GRID1: variants seen among roughly 807,000 people sequenced by gnomAD.
The protein encoded by GRID1 is glutamate receptor ionotropic, delta-1.
GRID1 carries 28 observed loss-of-function variants against 98.0 expected under a neutral mutation model. That is an observed-to-expected ratio of 0.29 (90% confidence interval 0.21 to 0.39). The LOEUF is 0.39. Among genes scored for constraint, GRID1 ranks in the 10% least tolerant of loss-of-function variants. The pLI is 1.00. For synonymous variants in GRID1, 553 were observed against 538.5 expected, an observed-to-expected ratio of 1.03 and a Z score of -0.37; for missense variants, 1,111 against 1,340.5, an observed-to-expected ratio of 0.83 and a Z score of 2.67.
At chr10:86,151,539 G>A (rs535947372) in intron 3 of GRID1, among the ~76,000 whole-genome samples, 1 of 152,216 alleles carries the variant, frequency 6.6e-6, no homozygotes, top group Non-Finnish European at 1.5e-5. Flanking sequence ...AATGGCAAGA[G>A]GAAAACATGA....
chr10:85,884,013 C>T (rs1193577658), intron 5 of GRID1, among the ~76,000 whole-genome samples: 1 of 152,144 alleles, frequency 6.6e-6, no homozygotes, highest in African/African-American at 2.4e-5. Context: ...CGTCCTATTC[C>T]TTGCACAATC....
intron 15 of GRID1, among the ~76,000 whole-genome samples, chr10:85,611,094 C>T (rs1358025081): frequency 6.6e-6 from 1 of 152,182 alleles, no homozygotes; most frequent in Non-Finnish European, 1.5e-5. Flanking sequence ...AGGAGCTGTT[C>T]CTCACAGCTA....
intron 12 of GRID1, among the ~76,000 whole-genome samples, chr10:85,698,078 C>T (rs547903167): frequency 4.9e-4 from 75 of 152,068 alleles, no homozygotes; most frequent in African/African-American, 1.7e-3. Context: ...AATAAAAAAA[C>T]GAATAATACC....
chr10:85,599,802 A>AAAAAAAAAAAAAAAAAATATATATAT lies in GRID1; in HGVS notation c.*2470_*2471insATATATATATTTTTTTTTTTTTTTTT. ...GTAGAAAATTCTAAAAAAAAAAAAA[A>AAAAAAAAAAAAAAAAAATATATATAT]ATATATATATATATATATAAACATG... On this transcript the variant is annotated 3_prime_UTR_variant, in exon 16 of 16. Transcript: ENST00000327946. The AAAAAAAAAAAAAAAAAATATATATAT allele has an allele frequency of 1.5e-5, 1 of 64,984 alleles. No homozygotes were observed. Among genetic ancestry groups the AAAAAAAAAAAAAAAAAATATATATAT allele is most frequent in the African/African-American group, 9.3e-5 (1 of 10,732 alleles). 4.0% of individuals were successfully genotyped at this position (64,984 alleles called of 1,614,324 possible). A position where few individuals can be genotyped will look rare whatever the true frequency, so the allele number is the denominator to read the frequency against.
rs201983652 is a variant in GRID1, at chr10:85,746,107, G to A, written c.1234-16493C>T. Reference sequence around the variant, plus strand: ...TTACCTTCATATATTGATTGCAAGGGAGTTATATCATTTGTCTCTTTGGAT... The same window carrying A: ...TTACCTTCATATATTGATTGCAAGGAAGTTATATCATTTGTCTCTTTGGAT... On this transcript the variant is annotated intron_variant, in intron 8 of 15. Coordinates refer to ENST00000327946, the MANE Select transcript of GRID1 (RefSeq NM_017551.3). Among the ~76,000 whole-genome samples, 6 of 152,264 alleles carry A rather than the reference G, an allele frequency of 3.9e-5. No individual in the cohort carries two copies. In the East Asian group the frequency reaches 7.7e-4, roughly 20 times the overall value.
chr10:85,876,416 C>T (rs1274728397), intron 5 of GRID1, among the ~76,000 whole-genome samples: 1 of 152,090 alleles, frequency 6.6e-6, no homozygotes, highest in African/African-American at 2.4e-5. Flanking sequence ...CTTTGTGTTC[C>T]TCTTATAAAG....
rs577086810 is a variant in GRID1 at position 85,881,112 on chromosome 10, T to G, written c.781-11932A>C. Reference sequence around the variant, plus strand: ...AGGAGAACTACAAACCACTGCTCAATGAAATAAAAGAGGATACAAAGAAAT... The same window carrying G: ...AGGAGAACTACAAACCACTGCTCAAGGAAATAAAAGAGGATACAAAGAAAT... On this transcript the variant is annotated intron_variant, in intron 5 of 15. Coordinates refer to ENST00000327946, the MANE Select transcript of GRID1 (RefSeq NM_017551.3). Among the ~76,000 whole-genome samples, 847 of 152,004 alleles carry G rather than the reference T, an allele frequency of 5.6e-3. 13 individuals are homozygous for G. Among genetic ancestry groups the G allele is most frequent in the African/African-American group, 0.019 (798 of 41,456 alleles).
At chr10:85,923,997 G>A (rs78551241) in intron 4 of GRID1, among the ~76,000 whole-genome samples, 4,681 of 152,206 alleles carry the variant, frequency 0.031, 95 homozygotes, top group Middle Eastern at 0.082. Context: ...GTAGCCTCTA[G>A]TCCCTCACTA....
intron 4 of GRID1, among the ~76,000 whole-genome samples, chr10:85,944,713 CT>C (rs1336440837): frequency 1.3e-5 from 2 of 151,910 alleles, no homozygotes; most frequent in East Asian, 3.9e-4. Flanking sequence ...TAGGAAAATG[CT>C]TAGTAAAATG....
intron 4 of GRID1, among the ~76,000 whole-genome samples, chr10:85,978,992 A>G (rs1481938864): frequency 6.6e-6 from 1 of 152,010 alleles, no homozygotes; most frequent in Non-Finnish European, 1.5e-5. Flanking sequence ...CTGACTCTGC[A>G]TGACTTGTTT....
Position 86,365,361 on chromosome 10 carries a change from A to C in GRID1, c.79+953T>G, listed in dbSNP as rs1185747529. ...AAGACGACTGCGGAGGGACTCCCCC[A>C]AAGCGACCGCTGTCAGCCCCCCAAC... On this transcript the variant is annotated intron_variant, in intron 1 of 15. Coordinates refer to ENST00000327946, the MANE Select transcript of GRID1 (RefSeq NM_017551.3). The surrounding 1 kb of genome is among the most constrained non-coding windows in gnomAD (Gnocchi z 4.8). Among the ~76,000 whole-genome samples the C allele has an allele frequency of 2.3e-5, 3 of 131,544 alleles. No homozygotes were observed. Among genetic ancestry groups the C allele is most frequent in the Non-Finnish European group, 4.7e-5 (3 of 63,468 alleles). The allele number at this position is 131,544 out of a possible 152,430, so 86.3% of individuals were successfully genotyped here. A position where few individuals can be genotyped will look rare whatever the true frequency, so the allele number is the denominator to read the frequency against.
At chr10:85,685,814 G>A (rs981229383) in intron 12 of GRID1, among the ~76,000 whole-genome samples, 2 of 152,014 alleles carry the variant, frequency 1.3e-5, no homozygotes, top group Non-Finnish European at 2.9e-5. Context: ...TAGCAATATA[G>A]TGTATAGAAA....
In GRID1 at chr10:85,772,985, C is replaced by T. The variant is rs572087433; in HGVS notation, c.1234-43371G>A. On this transcript the variant is annotated intron_variant, in intron 8 of 15. Coordinates refer to ENST00000327946, the MANE Select transcript of GRID1 (RefSeq NM_017551.3). ...CTAACTCATTTTATGAGGCCAGCAT[C>T]ATCCTGATACCAAAGCCGGGCAGAG... Among the ~76,000 whole-genome samples the T allele has an allele frequency of 1.6e-4, 24 of 152,296 alleles. 1 individual carries two copies. Among genetic ancestry groups the T allele is most frequent in the Admixed American group, 3.3e-4 (5 of 15,300 alleles).
intron 8 of GRID1, among the ~76,000 whole-genome samples, chr10:85,804,576 C>T (rs993026393): frequency 6.6e-6 from 1 of 151,670 alleles, no homozygotes; most frequent in African/African-American, 2.4e-5. Flanking sequence ...TAGATTAATA[C>T]CCTTCATCAT....
intron 12 of GRID1, among the ~76,000 whole-genome samples, chr10:85,675,263 A>C (rs1177444262): frequency 6.6e-6 from 1 of 152,206 alleles, no homozygotes; most frequent in Non-Finnish European, 1.5e-5. Context: ...GAGGCACATT[A>C]GGGCTAGCAA....
At chr10:86,361,811 A>C (rs1392756281) in intron 2 of GRID1, among the ~76,000 whole-genome samples, 2 of 152,244 alleles carry the variant, frequency 1.3e-5, no homozygotes, top group Non-Finnish European at 2.9e-5. Flanking sequence ...CAATGGCAAA[A>C]TCTGTTAAAG....
chr10:85,699,041 GTTTTGTTTTGTT>G lies in GRID1; in HGVS notation c.1997+23950_1997+23961del, dbSNP rs1475809245. The stretch of plus-strand genomic sequence containing the variant: ...TTTTGTTTGTTTGTTTTGGGGTTTT[GTTTTGTTTTGTT>G]TTTTGTTTTGTTTTTTTGAGATAGA... On this transcript the variant is annotated intron_variant, in intron 12 of 15. Coordinates refer to ENST00000327946, the MANE Select transcript of GRID1 (RefSeq NM_017551.3). Among the ~76,000 whole-genome samples, 5 of 151,868 alleles carry G rather than the reference GTTTTGTTTTGTT, an allele frequency of 3.3e-5. No individual in the cohort carries two copies. The South Asian group carries it at 6.2e-4, about 19-fold the overall frequency.
chr10:85,905,832 A>C (rs528436455), intron 5 of GRID1, among the ~76,000 whole-genome samples: 1 of 152,254 alleles, frequency 6.6e-6, no homozygotes, highest in Non-Finnish European at 1.5e-5. Flanking sequence ...AGGTTTTAAA[A>C]GAGAAAAAAG....
At chr10:85,743,599 T>C (rs1374631300) in intron 8 of GRID1, among the ~76,000 whole-genome samples, 1 of 152,084 alleles carries the variant, frequency 6.6e-6, no homozygotes, top group East Asian at 1.9e-4. Context: ...TCAAGAAAAC[T>C]ACTGTAGGAG....
Sources: gnomAD v4.1 joint callset for allele counts (sites outside exome capture counted in the v4.1 genomes callset) on GRCh38, gnomAD v4.1.1 for gene constraint, Gnocchi (gnomAD v3.1) non-coding constraint, MANE v1.5 for transcripts, NCBI Gene and HGNC (gene_info 2026-07-23, HGNC 2026-07-21) for gene names.